The following HLA-DPA1 variants were observed in gnomAD, a reference collection of about 807,000 sequenced individuals.
The protein encoded by HLA-DPA1 is HLA class II histocompatibility antigen, DP alpha 1 chain.
In HLA-DPA1, 20 loss-of-function variants were observed where a neutral mutation model predicts 21.5. The ratio of observed to expected loss-of-function variants is 0.93; its 90% CI spans 0.66 to 1.35. HLA-DPA1 has a LOEUF of 1.35. HLA-DPA1 is among the 40% of genes most tolerant of loss of function. The pLI is 0.00. For synonymous variants in HLA-DPA1, 123 were observed against 129.6 expected (o/e 0.95, Z 0.35); for missense variants, 279 against 323.0 (o/e 0.86, Z 1.05).
chr6:33,066,661 G>C (rs1357098811), intron 5 of HLA-DPA1: 1 of 152,156 alleles, frequency 6.6e-6, no homozygotes, highest in Non-Finnish European at 1.5e-5. Flanking sequence ...CATTTGCAAT[G>C]CCTAAAACTG....
Position 33,080,074 on chromosome 6 carries a change from T to C in HLA-DPA1, c.-100+606A>G, listed in dbSNP as rs1347027627. The stretch of plus-strand genomic sequence containing the variant: ...CTTTCAGGCTACAGAGTCTTTCTTA[T>C]ACCAAAGTTGAAGAAAGTTTTAAGA... On this transcript the variant is annotated intron_variant, in intron 1 of 5. Coordinates refer to ENST00000419277, the Ensembl canonical transcript of HLA-DPA1. This position sits in a 1 kb window ranked among gnomAD's most constrained non-coding sequence, Gnocchi z 4.3. Among the ~76,000 whole-genome samples the C allele has an allele frequency of 2.0e-5, 3 of 152,214 alleles. No individual in the cohort carries two copies. The highest frequency in any genetic ancestry group is 2.9e-5 in the Non-Finnish European group (2 of 68,036).
At chr6:33,077,305 A>G (rs1267777601) in intron 1 of HLA-DPA1, among the ~76,000 whole-genome samples, 1 of 151,786 alleles carries the variant, frequency 6.6e-6, no homozygotes, top group African/African-American at 2.4e-5. Flanking sequence ...CATTTTCTTA[A>G]TCCAGTCTAT....
intron 2 of HLA-DPA1, among the ~76,000 whole-genome samples, chr6:33,071,354 G>A (rs189367584): frequency 5.9e-5 from 9 of 152,232 alleles, no homozygotes; most frequent in Admixed American, 4.6e-4. Flanking sequence ...GGACTCATCA[G>A]GAAAAAGAGG....
chr6:33,068,147 C>T (rs1384986496), intron 5 of HLA-DPA1: 1 of 152,442 alleles, frequency 6.6e-6, no homozygotes, highest in Non-Finnish European at 1.5e-5. Flanking sequence ...TAGTTACAGG[C>T]ACCCACCACA....
chr6:33,069,211 G>C, exon 4 of HLA-DPA1: 1 of 1,612,980 alleles, frequency 6.2e-7, no homozygotes, highest in East Asian at 2.2e-5. Context: ...TTGAGCACTG[G>C]TGGGAAGAAC....
chr6:33,079,954 C>G (rs1308574481), intron 1 of HLA-DPA1: 2 of 228,158 alleles, frequency 8.8e-6, no homozygotes, highest in African/African-American at 4.7e-5. Context: ...ACTCTACCCC[C>G]ACAGGTCCCT....
At chr6:33,075,765 A>G (rs1214941641) in intron 1 of HLA-DPA1, among the ~76,000 whole-genome samples, 1 of 152,156 alleles carries the variant, frequency 6.6e-6, no homozygotes, top group African/African-American at 2.4e-5. Context: ...GACTTATCTG[A>G]CTGGTTAAAA....
chr6:33,070,331 C>T lies in HLA-DPA1; in HGVS notation c.101-445G>A, dbSNP rs146080264. Among the ~76,000 whole-genome samples the T allele has an allele frequency of 2.5e-4, 38 of 152,294 alleles. 1 individual carries two copies. The highest frequency in any genetic ancestry group is 9.1e-4 in the African/African-American group (38 of 41,554). On this transcript the variant is annotated intron_variant, in intron 2 of 5. Transcript: ENST00000419277. ...CAGGTAAGGAAATGCAGGGAAGTTACATATTAATAACTTGCTAAGGTCATA... is the reference window on the plus strand; with the variant it reads ...CAGGTAAGGAAATGCAGGGAAGTTATATATTAATAACTTGCTAAGGTCATA...
At chr6:33,069,739 A>G in exon 3 of HLA-DPA1, 1 of 1,612,754 alleles carries the variant, frequency 6.2e-7, no homozygotes, top group Non-Finnish European at 8.5e-7. Context: ...CTCAAAGGAA[A>G]AGGCTTGGCC....
chr6:33,066,691 A>C (rs1183244988), intron 5 of HLA-DPA1: 1 of 152,210 alleles, frequency 6.6e-6, no homozygotes, highest in Non-Finnish European at 1.5e-5. Context: ...TACTAGCAGG[A>C]CTATATAAGG....
In HLA-DPA1 at chr6:33,073,656, G is replaced by T; in HGVS notation, c.-86C>A. The T allele has an allele frequency of 1.1e-6, 1 of 902,260 alleles. No individual in the cohort carries two copies. Among genetic ancestry groups the T allele is most frequent in the Non-Finnish European group, 1.8e-6 (1 of 545,488 alleles). 55.9% of individuals were successfully genotyped at this position (902,260 alleles called of 1,614,324 possible). The stretch of plus-strand genomic sequence containing the variant: ...AGTGGAGGCAGATGAGACTGAAACT[G>T]TGGGCCTCTAGCACTGGAAATGGGT... On this transcript the variant is annotated 5_prime_UTR_variant, in exon 2 of 6. Transcript: ENST00000419277.
Position 33,080,514 on chromosome 6 carries a change from C to A in HLA-DPA1, c.-100+166G>T, listed in dbSNP as rs967951653. The A allele has an allele frequency of 2.8e-6, 3 of 1,070,704 alleles. No homozygotes were observed. 66.3% of individuals were successfully genotyped at this position (1,070,704 alleles called of 1,614,324 possible). A position where few individuals can be genotyped will look rare whatever the true frequency, so the allele number is the denominator to read the frequency against. ...ACAGGCCTGGAGAGGCTCTGCGACCCGCTTAGGACCACAGAACTCGGTACT... is the reference window on the plus strand; with the variant it reads ...ACAGGCCTGGAGAGGCTCTGCGACCAGCTTAGGACCACAGAACTCGGTACT... On this transcript the variant is annotated intron_variant, in intron 1 of 5. Coordinates refer to ENST00000419277, the Ensembl canonical transcript of HLA-DPA1. This position sits in a 1 kb window ranked among gnomAD's most constrained non-coding sequence, Gnocchi z 4.3.
intron 1 of HLA-DPA1, among the ~76,000 whole-genome samples, chr6:33,078,234 G>C (rs1313861949): frequency 6.6e-6 from 1 of 152,164 alleles, no homozygotes; most frequent in Non-Finnish European, 1.5e-5. Context: ...AGATGAGGCA[G>C]TGGAGCCATG....
intron 1 of HLA-DPA1, chr6:33,076,172 C>T: frequency 6.9e-7 from 1 of 1,456,022 alleles, no homozygotes; most frequent in Non-Finnish European, 9.5e-7. Context: ...CTTGGAGGGT[C>T]TGGCTCAGGG....
In HLA-DPA1 at chr6:33,071,470, A is replaced by C. The variant is rs548763421; in HGVS notation, c.101-1584T>G. ...AAAATGCTTTTTAAAAAACACTTTC[A>C]CAAGTTCTGCAGTCCAAAGATCAGC... On this transcript the variant is annotated intron_variant, in intron 2 of 5. Transcript: ENST00000419277. 3.3e-3 allele frequency among the ~76,000 whole-genome samples: 510 copies of C among 152,286 alleles called. 2 individuals are homozygous for C. The highest frequency in any genetic ancestry group is 0.024 in the East Asian group (126 of 5,176).
Position 33,073,258 on chromosome 6 carries a change from T to C in HLA-DPA1, c.100+213A>G, listed in dbSNP as rs528404856. Among the ~76,000 whole-genome samples the C allele has an allele frequency of 2.6e-5, 4 of 152,332 alleles. No individual in the cohort carries two copies. In the South Asian group the frequency reaches 8.3e-4, roughly 32 times the overall value. ...AATGGAATATTATCTTCATTGAAGA[T>C]TCCTGTGAGATGTAAATGGGGAAAG... On this transcript the variant is annotated intron_variant, in intron 2 of 5. Coordinates refer to ENST00000419277, the Ensembl canonical transcript of HLA-DPA1.
In HLA-DPA1 at chr6:33,069,222, T is replaced by C. The variant is rs1042190; in HGVS notation, c.425A>G (p.Lys142Arg). ...GACGTTGAGCACTGGTGGGAAGAAC[T>C]TGTCAATGTGGCAGATGAGGGTGTT... The change falls in exon 4 of 6, where the codon AAG becomes AGG. Residue 142 changes from lysine (K) to arginine (R), a missense_variant. By Grantham distance (26) the Lys-to-Arg change is conservative. Coordinates refer to ENST00000419277, the Ensembl canonical transcript of HLA-DPA1. 339,464 of 1,607,308 alleles carry C rather than the reference T, an allele frequency of 0.21. 46,314 individuals carry two copies. Among genetic ancestry groups the C allele is most frequent in the East Asian group, 0.63 (28,074 of 44,774 alleles).
intron 5 of HLA-DPA1, chr6:33,068,308 C>G (rs67818943): frequency 0.25 from 54,794 of 215,588 alleles, 9,828 homozygotes; most frequent in East Asian, 0.63. Context: ...GGATTGGAAG[C>G]TAGCCCTACT....
intron 2 of HLA-DPA1, among the ~76,000 whole-genome samples, chr6:33,072,609 T>TCTTA (rs1171697478): frequency 6.6e-6 from 1 of 152,182 alleles, no homozygotes; most frequent in Admixed American, 6.5e-5. Context: ...ATTCTACACA[T>TCTTA]CTTAAATAAA....
Sources: gnomAD v4.1 joint callset for allele counts (sites outside exome capture counted in the v4.1 genomes callset) on GRCh38, gnomAD v4.1.1 for gene constraint, Gnocchi (gnomAD v3.1) non-coding constraint, MANE v1.5 for transcripts, NCBI Gene and HGNC (gene_info 2026-07-23, HGNC 2026-07-21) for gene names.